RPN2: variants seen among roughly 807,000 people sequenced by gnomAD.
RPN2 encodes the protein dolichyl-diphosphooligosaccharide--protein glycosyltransferase subunit 2.
RPN2 carries 29 observed loss-of-function variants against 71.4 expected under a neutral mutation model. The ratio of observed to expected loss-of-function variants is 0.41; its 90% CI spans 0.30 to 0.55. RPN2 has a LOEUF of 0.55. Among genes scored for constraint, RPN2 ranks in the 20% least tolerant of loss-of-function variants. RPN2 has a pLI of 0.35. For synonymous variants in RPN2, 308 were observed against 305.0 expected (o/e 1.01, Z -0.10); for missense variants, 726 against 774.1 (o/e 0.94, Z 0.74).
chr20:37,219,707 C>G (rs2067904505), intron 9 of RPN2, among the ~76,000 whole-genome samples: 1 of 152,072 alleles, frequency 6.6e-6, no homozygotes, highest in African/African-American at 2.4e-5. Context: ...TGGCTCCTAC[C>G]CTTAGGTTTC....
chr20:37,228,508 T>A (rs776446974), intron 11 of RPN2, 42 bp from the exon 12 acceptor site: 8 of 1,588,100 alleles, frequency 5.0e-6, no homozygotes, highest in Middle Eastern at 3.3e-4. Flanking sequence ...AGGGAGAATC[T>A]TGAAATTATC....
At chr20:37,219,224 A>G (rs1401611961) in intron 9 of RPN2, among the ~76,000 whole-genome samples, 1 of 152,176 alleles carries the variant, frequency 6.6e-6, no homozygotes, top group East Asian at 1.9e-4. Flanking sequence ...TAGTGGGTAT[A>G]AAGTGGTGTC....
chr20:37,238,135 A>G (rs2068451536), intron 16 of RPN2, among the ~76,000 whole-genome samples: 1 of 152,216 alleles, frequency 6.6e-6, no homozygotes, highest in African/African-American at 2.4e-5. Context: ...CTAAAGTTGT[A>G]TGCATTTTAT....
Position 37,209,969 on chromosome 20 carries a change from T to A in RPN2, c.868-78T>A, listed in dbSNP as rs2272950. On this transcript the variant is annotated intron_variant, in intron 7 of 16. Transcript: ENST00000237530. ...GCTCTCCTGCAGAGCTTGCAACCTATAGATAAAGCACCCCAGAAACAAAAT... is the reference window on the plus strand; with the variant it reads ...GCTCTCCTGCAGAGCTTGCAACCTAAAGATAAAGCACCCCAGAAACAAAAT... 0.79 allele frequency: 1,250,984 copies of A among 1,591,434 alleles called. 494,950 individuals are homozygous for A. Among genetic ancestry groups the A allele is most frequent in the Middle Eastern group, 0.86 (4,826 of 5,636 alleles).
intron 1 of RPN2, 149 bp downstream of exon 1, chr20:37,179,518 G>T: frequency 7.1e-7 from 1 of 1,408,178 alleles, no homozygotes; most frequent in Non-Finnish European, 9.3e-7. Context: ...CGGATCGAGG[G>T]TCCGAAGGAG....
chr20:37,188,927 A>G (rs989142095), intron 2 of RPN2, among the ~76,000 whole-genome samples: 3 of 151,184 alleles, frequency 2.0e-5, no homozygotes, highest in African/African-American at 4.9e-5. Context: ...CCAGCCTCCA[A>G]TTGATGTCTT....
intron 10 of RPN2, among the ~76,000 whole-genome samples, chr20:37,225,215 T>C (rs1292587427): frequency 6.6e-6 from 1 of 152,118 alleles, no homozygotes; most frequent in Non-Finnish European, 1.5e-5. Context: ...AATATAGCAT[T>C]AAAAAAAGAC....
At chr20:37,192,495 A>C (rs2067163391) in intron 2 of RPN2, among the ~76,000 whole-genome samples, 1 of 152,212 alleles carries the variant, frequency 6.6e-6, no homozygotes, top group Non-Finnish European at 1.5e-5. Flanking sequence ...ACAATCTTGC[A>C]CTGGAGTGCT....
At chr20:37,238,468 C>T in intron 16 of RPN2, 1 of 1,581,652 alleles carries the variant, frequency 6.3e-7, no homozygotes, top group Non-Finnish European at 8.6e-7. Flanking sequence ...GAAGGGCGGA[C>T]TCATCCCAGA....
intron 12 of RPN2, 137 bp from the exon 13 acceptor site, chr20:37,229,836 T>C: frequency 1.4e-6 from 1 of 730,786 alleles, no homozygotes; most frequent in South Asian, 1.5e-5. Context: ...ATTTGTCAGC[T>C]AATGGATCAG....
intron 2 of RPN2, among the ~76,000 whole-genome samples, chr20:37,193,730 A>T (rs1378858021): frequency 6.6e-6 from 1 of 152,174 alleles, no homozygotes; most frequent in African/African-American, 2.4e-5. Flanking sequence ...ACACAGGAAG[A>T]CAATGAGGTT....
intron 4 of RPN2, among the ~76,000 whole-genome samples, chr20:37,203,481 C>T (rs984054067): frequency 4.0e-5 from 6 of 151,464 alleles, no homozygotes; most frequent in Non-Finnish European, 7.4e-5. Flanking sequence ...GTTGGGACTA[C>T]AAGCACACGC....
chr20:37,200,353 A>G, intron 4 of RPN2: 1 of 306,616 alleles, frequency 3.3e-6, no homozygotes, highest in South Asian at 2.1e-5. Context: ...GGCCGGTTGT[A>G]ATTTTTTTTT....
chr20:37,229,242 C>G (rs557465726), intron 12 of RPN2, among the ~76,000 whole-genome samples: 1 of 152,318 alleles, frequency 6.6e-6, no homozygotes, highest in East Asian at 1.9e-4. Flanking sequence ...TAGTGCCTTC[C>G]TGCATGCCTC....
intron 5 of RPN2, 71 bp downstream of exon 5, chr20:37,204,031 G>A (rs1363698193): frequency 1.9e-6 from 2 of 1,071,574 alleles, no homozygotes; most frequent in Non-Finnish European, 2.9e-6. Flanking sequence ...CTTGCAGATA[G>A]CCATGCATGA....
intron 8 of RPN2, among the ~76,000 whole-genome samples, chr20:37,210,720 C>T (rs1251350492): frequency 6.6e-6 from 1 of 151,882 alleles, no homozygotes; most frequent in Admixed American, 6.6e-5. Flanking sequence ...TTAGTAGAGA[C>T]AGGGTTTCCC....
chr20:37,238,920 T>A, intron 16 of RPN2: 2 of 472,782 alleles, frequency 4.2e-6, no homozygotes, highest in South Asian at 3.1e-5. Context: ...GGGGAGACTG[T>A]AATTTATGAA....
chr20:37,185,617 C>CTTTAT (rs939640001), intron 2 of RPN2, among the ~76,000 whole-genome samples: 3 of 151,830 alleles, frequency 2.0e-5, no homozygotes, highest in Admixed American at 6.6e-5. Context: ...GCTTATAGTT[C>CTTTAT]TTTATTTTAT....
chr20:37,196,508 C>G (rs186707086), intron 2 of RPN2, among the ~76,000 whole-genome samples: 8 of 152,246 alleles, frequency 5.3e-5, no homozygotes, highest in Admixed American at 5.2e-4. Context: ...GCTGGTATTA[C>G]AGGTGTGAGC....
Sources: gnomAD v4.1 joint callset for allele counts (sites outside exome capture counted in the v4.1 genomes callset) on GRCh38, gnomAD v4.1.1 for gene constraint, MANE v1.5 for transcripts, NCBI Gene and HGNC (gene_info 2026-07-23, HGNC 2026-07-21) for gene names.